The following NECTIN1 variants were observed in gnomAD, a reference collection of about 807,000 sequenced individuals.
NECTIN1 encodes nectin cell adhesion molecule 1.
In NECTIN1, 23 loss-of-function variants were observed where a neutral mutation model predicts 48.0. The ratio of observed to expected loss-of-function variants is 0.48; its 90% confidence interval spans 0.34 to 0.68. The LOEUF is 0.68. Ranked by LOEUF, NECTIN1 falls within the 30% of genes least tolerant of loss-of-function variation. The pLI is 0.01. For missense variants in NECTIN1, 591 were observed against 709.9 expected, an observed-to-expected ratio of 0.83 and a Z score of 1.90; for synonymous variants, 270 against 288.9, an observed-to-expected ratio of 0.93 and a Z score of 0.66.
rs114947439 is a variant in NECTIN1 at position 119,639,679 on chromosome 11, C to T, written c.1151+186G>A. 1,984 of 703,732 alleles carry T rather than the reference C, an allele frequency of 2.8e-3. 28 individuals carry two copies. In the African/African-American group the frequency reaches 0.032, roughly 11 times the overall value. 43.6% of individuals were successfully genotyped at this position (703,732 alleles called of 1,614,324 possible). On this transcript the variant is annotated intron_variant, in intron 6 of 7. Transcript: ENST00000341398. Reference sequence around the variant, plus strand: ...TTTTGAACTGGGGCGGTGCCTGGCACGTAGCAATCACCACTCAGGAGGGTC... The same window carrying T: ...TTTTGAACTGGGGCGGTGCCTGGCATGTAGCAATCACCACTCAGGAGGGTC...
chr11:119,697,010 C>A (rs141572195), intron 1 of NECTIN1, among the ~76,000 whole-genome samples: 2 of 152,124 alleles, frequency 1.3e-5, no homozygotes, highest in Non-Finnish European at 2.9e-5. Context: ...TCCTATGAGG[C>A]CTGCCCACTC....
rs547259159 is a variant in NECTIN1, at chr11:119,698,560, C to T, written c.80-19795G>A. 1.3e-3 allele frequency among the ~76,000 whole-genome samples: 201 copies of T among 152,262 alleles called. 1 individual carries two copies. Among genetic ancestry groups the T allele is most frequent in the African/African-American group, 4.4e-3 (182 of 41,548 alleles). Reference sequence around the variant, plus strand: ...GGCTGGGGATCAGGTAGTTCCTCCCCATAAGGAGAGAGCAGTGGAGAGTAG... The same window carrying T: ...GGCTGGGGATCAGGTAGTTCCTCCCTATAAGGAGAGAGCAGTGGAGAGTAG... On this transcript the variant is annotated intron_variant, in intron 1 of 5. Transcript: ENST00000264025.
chr11:119,657,235 C>CCACCTCTT (rs1237030557), downstream of NECTIN1, among the ~76,000 whole-genome samples: 6 of 152,164 alleles, frequency 3.9e-5, no homozygotes, highest in Non-Finnish European at 7.3e-5. Context: ...GTCTCAAGAC[C>CCACCTCTT]CACCTCTTCC....
rs1475845568 is a variant in NECTIN1 at position 119,662,044 on chromosome 11, CAG to C, written c.*2701_*2702del. The C allele has an allele frequency of 5.1e-6, 5 of 985,050 alleles. No homozygotes were observed. The highest frequency in any genetic ancestry group is 2.3e-4 in the East Asian group (2 of 8,820). The allele number at this position is 985,050 out of a possible 1,614,324, so 61.0% of individuals were successfully genotyped here. On this transcript the variant is annotated 3_prime_UTR_variant, in exon 6 of 6. Coordinates refer to ENST00000264025, the MANE Select transcript of NECTIN1 (RefSeq NM_002855.5). This position sits in a 1 kb window ranked among gnomAD's most constrained non-coding sequence, Gnocchi z 5.3. ...AACAATATCAAAATCTGTAAGGAAA[CAG>C]GGGCATGGGTGTGGGGTGGGGGGCA...
At chr11:119,657,902 C>T (rs1455860629), downstream of NECTIN1, among the ~76,000 whole-genome samples, 1 of 93,212 alleles carries the variant, frequency 1.1e-5, no homozygotes, top group East Asian at 3.0e-4. Context: ...GCCTGGGTGA[C>T]AAACCAAGAC....
chr11:119,707,000 G>A (rs921972483), intron 1 of NECTIN1, among the ~76,000 whole-genome samples: 1 of 152,204 alleles, frequency 6.6e-6, no homozygotes, highest in African/African-American at 2.4e-5. Flanking sequence ...CCCTGGAGCT[G>A]GGTGAGGAAG....
chr11:119,667,054 G>T (rs1864784155), intron 5 of NECTIN1, among the ~76,000 whole-genome samples: 1 of 152,134 alleles, frequency 6.6e-6, no homozygotes. Context: ...CCTCGGTGCA[G>T]GTCAGCCAGC....
chr11:119,704,173 G>C (rs1865504215), intron 1 of NECTIN1, among the ~76,000 whole-genome samples: 1 of 152,036 alleles, frequency 6.6e-6, no homozygotes, highest in Non-Finnish European at 1.5e-5. Flanking sequence ...GCGGGCAGGG[G>C]CTGTCTGCTT....
At chr11:119,676,478 C>T (rs145776018) in intron 4 of NECTIN1, among the ~76,000 whole-genome samples, 5 of 152,364 alleles carry the variant, frequency 3.3e-5, no homozygotes, top group East Asian at 3.9e-4. Context: ...TGGTTCCCCA[C>T]GTCCCTGTCT....
chr11:119,699,125 G>T (rs1307756725), intron 1 of NECTIN1, among the ~76,000 whole-genome samples: 1 of 152,158 alleles, frequency 6.6e-6, no homozygotes, highest in African/African-American at 2.4e-5. Context: ...AAAGAGCTAG[G>T]ATCATCATCT....
At chr11:119,691,482 G>T (rs1865251491) in intron 1 of NECTIN1, among the ~76,000 whole-genome samples, 1 of 152,254 alleles carries the variant, frequency 6.6e-6, no homozygotes, top group African/African-American at 2.4e-5. Flanking sequence ...CTGCTCTGCG[G>T]GTGGTCTGCC....
intron 1 of NECTIN1, chr11:119,713,998 C>G: frequency 2.6e-6 from 1 of 385,284 alleles, no homozygotes; most frequent in Non-Finnish European, 5.2e-6. Context: ...TGAGTGGCCC[C>G]CCCCTTGGTA....
intron 5 of NECTIN1, among the ~76,000 whole-genome samples, chr11:119,646,447 C>T (rs1386319643): frequency 6.6e-6 from 1 of 151,582 alleles, no homozygotes; most frequent in African/African-American, 2.4e-5. Context: ...TTGGCCCATC[C>T]CCCCTCCGTA....
rs139393999 is a variant in NECTIN1 at position 119,720,755 on chromosome 11, G to A, written c.79+7720C>T. Among the ~76,000 whole-genome samples, 398 of 152,276 alleles carry A rather than the reference G, an allele frequency of 2.6e-3. 4 individuals are homozygous for A. The highest frequency in any genetic ancestry group is 8.8e-3 in the African/African-American group (364 of 41,546). On this transcript the variant is annotated intron_variant, in intron 1 of 5. Coordinates refer to ENST00000264025, the MANE Select transcript of NECTIN1 (RefSeq NM_002855.5). ...AGGTACAGGCAGAGAGAAGGCTGCC[G>A]GTCAGCAGGCACCAGAATCTGCTAA... is the stretch of plus-strand genomic sequence containing the variant.
chr11:119,720,901 G>A (rs1865818252), intron 1 of NECTIN1, among the ~76,000 whole-genome samples: 2 of 152,158 alleles, frequency 1.3e-5, no homozygotes, highest in South Asian at 4.1e-4. Flanking sequence ...CCCCTGCCAA[G>A]GCTACCTGCT....
chr11:119,664,490 A>C lies in NECTIN1; in HGVS notation c.*257T>G. 1 of 1,328,878 alleles carries C rather than the reference A, an allele frequency of 7.5e-7. No homozygotes were observed. 82.3% of individuals were successfully genotyped at this position (1,328,878 alleles called of 1,614,324 possible). A position where few individuals can be genotyped will look rare whatever the true frequency, so the allele number is the denominator to read the frequency against. On this transcript the variant is annotated 3_prime_UTR_variant, in exon 6 of 6. Transcript: ENST00000264025. ...AGAGGGCAGGCAGGTGGGGCCCGTA[A>C]AGGGAAGATACAGTAACACTAAAGC...
intron 1 of NECTIN1, 85 bp downstream of exon 1, chr11:119,728,390 A>G: frequency 7.4e-7 from 1 of 1,352,284 alleles, no homozygotes. Flanking sequence ...TTCACTCCCC[A>G]CAATCCAGTC....
intron 1 of NECTIN1, among the ~76,000 whole-genome samples, chr11:119,689,667 C>A (rs917029512): frequency 6.6e-6 from 1 of 152,226 alleles, no homozygotes; most frequent in African/African-American, 2.4e-5. Flanking sequence ...GAGCTCCGTG[C>A]GCACTGCCAG....
In NECTIN1 at chr11:119,665,787, T is replaced by C. The variant is rs1408468264; in HGVS notation, c.1004-490A>G. On this transcript the variant is annotated intron_variant, in intron 5 of 5. Coordinates refer to ENST00000264025, the MANE Select transcript of NECTIN1 (RefSeq NM_002855.5). This position sits in a 1 kb window ranked among gnomAD's most constrained non-coding sequence, Gnocchi z 5.1. ...GATGCATCGTTGCTTCTCCTGCACA[T>C]AGAACGTGTGCAAATGTCACTGATA... Among the ~76,000 whole-genome samples, 3 of 152,148 alleles carry C rather than the reference T, an allele frequency of 2.0e-5. No homozygotes were observed. Among genetic ancestry groups the C allele is most frequent in the African/African-American group, 2.4e-5 (1 of 41,430 alleles).
Sources: allele counts gnomAD v4.1 joint callset (sites outside exome capture counted in the v4.1 genomes callset), GRCh38; gene constraint gnomAD v4.1.1; non-coding constraint Gnocchi (gnomAD v3.1); transcripts MANE v1.5; gene names NCBI Gene and HGNC (gene_info 2026-07-23, HGNC 2026-07-21).